Variants in RIMKLA observed in about 807,000 individuals in gnomAD.
RIMKLA encodes the protein N-acetylaspartylglutamate synthase A.
A neutral mutation model predicts 32.7 loss-of-function variants in RIMKLA; 14 were observed. The observed-to-expected ratio is 0.43, with a 90% confidence interval of 0.28 to 0.67. The LOEUF is 0.67. Among genes scored for constraint, RIMKLA ranks in the 30% least tolerant of loss-of-function variants. The pLI is 0.18. For synonymous variants in RIMKLA, 176 were observed against 204.1 expected (o/e 0.86, Z 1.18); for missense variants, 410 against 519.0 (o/e 0.79, Z 2.04).
At position 42,385,846 on chromosome 1, in the gene RIMKLA, CTTTCTTTCTT is replaced by C. The variant is rs1242482445; in HGVS notation, c.163+4751_163+4760del. Among the ~76,000 whole-genome samples, 21 of 10,848 alleles carry C rather than the reference CTTTCTTTCTT, an allele frequency of 1.9e-3. 5 individuals are homozygous for C. Among genetic ancestry groups the C allele is most frequent in the East Asian group, 0.011 (7 of 612 alleles). 7.1% of individuals were successfully genotyped at this position (10,848 alleles called of 152,430 possible). A position where few individuals can be genotyped will look rare whatever the true frequency, so the allele number is the denominator to read the frequency against. ...TTCCTTCCTTTCTTTCTTTCTTTCTCTTTCTTTCTTTCTTTCTTTCTTTCTTTCTTTCTTT... is the reference window on the plus strand; with the variant it reads ...TTCCTTCCTTTCTTTCTTTCTTTCTCTCTTTCTTTCTTTCTTTCTTTCTTT... On this transcript the variant is annotated intron_variant, in intron 1 of 4. Transcript: ENST00000431473.
At chr1:42,411,906 G>A (rs1381937740) in intron 4 of RIMKLA, among the ~76,000 whole-genome samples, 1 of 152,108 alleles carries the variant, frequency 6.6e-6, no homozygotes, top group Admixed American at 6.5e-5. Context: ...TCCTGACCTT[G>A]TGATCTGCCC....
rs899053596 is a variant in RIMKLA, at chr1:42,399,816, A to C, written c.394+182A>C. Among the ~76,000 whole-genome samples the C allele has an allele frequency of 2.6e-5, 4 of 152,056 alleles. No homozygotes were observed. In the South Asian group the frequency reaches 8.3e-4, roughly 32 times the overall value. On this transcript the variant is annotated intron_variant, in intron 2 of 4. Coordinates refer to ENST00000431473, the MANE Select transcript of RIMKLA (RefSeq NM_173642.4). ...CTTGGCGTCTTCCCTTCTGTAAGTT[A>C]TTCATTAAATACATATCTGGTACAC...
chr1:42,396,759 G>C (rs2148388344), intron 1 of RIMKLA, among the ~76,000 whole-genome samples: 1 of 146,304 alleles, frequency 6.8e-6, no homozygotes, highest in Admixed American at 6.8e-5. Context: ...TTGCTTAGTA[G>C]AATGTCTTCT....
In RIMKLA at chr1:42,413,654, ATC is replaced by A. The variant is rs1643221248; in HGVS notation, c.686-826_686-825del. The stretch of plus-strand genomic sequence containing the variant: ...TCTTTACAGTCTTTTCTTCTGAGAA[ATC>A]TCTTTTTGCCTAGTTATAGTCATAT... On this transcript the variant is annotated intron_variant, in intron 4 of 4. Coordinates refer to ENST00000431473, the MANE Select transcript of RIMKLA (RefSeq NM_173642.4). Among the ~76,000 whole-genome samples, 5 of 151,862 alleles carry A rather than the reference ATC, an allele frequency of 3.3e-5. 1 individual carries two copies.
intron 2 of RIMKLA, among the ~76,000 whole-genome samples, chr1:42,401,553 G>A (rs1205258436): frequency 1.3e-5 from 2 of 152,130 alleles, no homozygotes; most frequent in Non-Finnish European, 2.9e-5. Flanking sequence ...AAGATGGGTG[G>A]TATAATCAAA....
intron 3 of RIMKLA, among the ~76,000 whole-genome samples, chr1:42,405,187 A>G (rs547826496): frequency 1.3e-5 from 2 of 152,118 alleles, no homozygotes; most frequent in Non-Finnish European, 2.9e-5. Context: ...TCCAGATGTC[A>G]TTTCTTTTCT....
intron 3 of RIMKLA, among the ~76,000 whole-genome samples, chr1:42,408,588 A>AT (rs1419693729): frequency 6.6e-6 from 1 of 151,944 alleles, no homozygotes; most frequent in Non-Finnish European, 1.5e-5. Context: ...TGCCCAGCTA[A>AT]TCTGGTATCT....
chr1:42,402,859 T>G, intron 2 of RIMKLA, among the ~76,000 whole-genome samples: 1 of 152,152 alleles, frequency 6.6e-6, no homozygotes, highest in Non-Finnish European at 1.5e-5. Context: ...CACGAAGTGC[T>G]GGGATTCCAG....
chr1:42,421,715 G>A lies in RIMKLA; in HGVS notation c.*6741G>A, dbSNP rs1383733232. 6.6e-6 allele frequency: 1 copy of A among 152,190 alleles called. No individual in the cohort carries two copies. The highest frequency in any genetic ancestry group is 2.4e-5 in the African/African-American group (1 of 41,420). The allele number at this position is 152,190 out of a possible 1,614,324, so 9.4% of individuals were successfully genotyped here. On this transcript the variant is annotated 3_prime_UTR_variant, in exon 5 of 5. Transcript: ENST00000431473. The surrounding 1 kb of genome is among the most constrained non-coding windows in gnomAD (Gnocchi z 4.6). ...AAGTGGTTTGCACTGGCCCATGAGA[G>A]TGGATTGTTGAATTTCCAGGAATTT...
chr1:42,396,475 C>T (rs1301199655), intron 1 of RIMKLA: 1 of 152,104 alleles, frequency 6.6e-6, no homozygotes, highest in Non-Finnish European at 1.5e-5. Context: ...AAAGATTTAC[C>T]TTTGGAGAAG....
intron 1 of RIMKLA, among the ~76,000 whole-genome samples, chr1:42,397,365 T>A (rs990198003): frequency 6.6e-6 from 1 of 152,222 alleles, no homozygotes; most frequent in Non-Finnish European, 1.5e-5. Flanking sequence ...CAGTATAATA[T>A]CACTTACAAA....
chr1:42,401,913 T>A (rs1451407605), intron 2 of RIMKLA, among the ~76,000 whole-genome samples: 3 of 151,608 alleles, frequency 2.0e-5, no homozygotes, highest in African/African-American at 7.3e-5. Flanking sequence ...CCCTGGGGAG[T>A]TGAGAAAGGG....
At chr1:42,396,882 A>G (rs560331950) in intron 1 of RIMKLA, among the ~76,000 whole-genome samples, 2 of 152,294 alleles carry the variant, frequency 1.3e-5, no homozygotes, top group Admixed American at 6.5e-5. Context: ...TGTATTTACT[A>G]TCTTAAGCAA....
chr1:42,401,179 A>G (rs12143707), intron 2 of RIMKLA, among the ~76,000 whole-genome samples: 1 of 151,706 alleles, frequency 6.6e-6, no homozygotes, highest in Admixed American at 6.6e-5. Context: ...AGGGTTAGAG[A>G]TCCTATGAGA....
chr1:42,411,732 G>GGCACAATCTCT (rs1553177393), intron 4 of RIMKLA, among the ~76,000 whole-genome samples: 3 of 150,474 alleles, frequency 2.0e-5, no homozygotes, highest in East Asian at 1.9e-4. Context: ...GGAGTGCAGT[G>GGCACAATCTCT]GCACAATCTC....
At chr1:42,401,179 A>C (rs12143707) in intron 2 of RIMKLA, among the ~76,000 whole-genome samples, 95,174 of 151,712 alleles carry the variant, frequency 0.63, 30,274 homozygotes, top group African/African-American at 0.69. Context: ...AGGGTTAGAG[A>C]TCCTATGAGA....
At chr1:42,398,270 T>G (rs1643064561) in intron 1 of RIMKLA, among the ~76,000 whole-genome samples, 1 of 152,220 alleles carries the variant, frequency 6.6e-6, no homozygotes, top group African/African-American at 2.4e-5. Flanking sequence ...AAGACTGTGC[T>G]CCTGTTCCTC....
intron 3 of RIMKLA, among the ~76,000 whole-genome samples, chr1:42,409,072 C>A (rs552112423): frequency 6.6e-6 from 1 of 151,572 alleles, no homozygotes; most frequent in Admixed American, 6.6e-5. Context: ...GCTAGGCATG[C>A]GTGCCTGTAA....
At position 42,415,683 on chromosome 1, in the gene RIMKLA, T is replaced by A. The variant is rs919440098; in HGVS notation, c.*709T>A. The stretch of plus-strand genomic sequence containing the variant: ...TTCAACTAACGTCAGCTCTAGCAGC[T>A]TCTTGCACCTTTGCTGCCTTTGGCC... On this transcript the variant is annotated 3_prime_UTR_variant, in exon 5 of 5. Transcript: ENST00000431473. The A allele has an allele frequency of 1.3e-5, 2 of 152,236 alleles. No individual in the cohort carries two copies. The highest frequency in any genetic ancestry group is 4.8e-5 in the African/African-American group (2 of 41,460). 9.4% of individuals were successfully genotyped at this position (152,236 alleles called of 1,614,324 possible). A position where few individuals can be genotyped will look rare whatever the true frequency, so the allele number is the denominator to read the frequency against.
Sources: gnomAD v4.1 joint callset for allele counts (sites outside exome capture counted in the v4.1 genomes callset) on GRCh38, gnomAD v4.1.1 for gene constraint, Gnocchi (gnomAD v3.1) non-coding constraint, MANE v1.5 for transcripts, NCBI Gene and HGNC (gene_info 2026-07-23, HGNC 2026-07-21) for gene names.